BBX: variants seen among roughly 807,000 people sequenced by gnomAD.
BBX encodes the protein BBX high mobility group box domain containing.
In BBX, 30 loss-of-function variants were observed where a neutral mutation model predicts 100.2. That is an observed-to-expected ratio of 0.30 (90% CI 0.22 to 0.41). The LOEUF is 0.41. Among genes scored for constraint, BBX ranks in the 10% least tolerant of loss-of-function variants. The probability of loss-of-function intolerance (pLI) is 1.00; values close to 1 mark genes in which losing one functional copy is unlikely to be tolerated. For synonymous variants in BBX, 376 were observed against 388.1 expected, an observed-to-expected ratio of 0.97 and a Z score of 0.37; for missense variants, 1,023 against 1,129.8, an observed-to-expected ratio of 0.91 and a Z score of 1.35.
chr3:107,608,736 C>A (rs1254378200), intron 2 of BBX, among the ~76,000 whole-genome samples: 4 of 152,040 alleles, frequency 2.6e-5, no homozygotes, highest in African/African-American at 7.2e-5. Context: ...TTTTTGATTT[C>A]TTTTACCAAT....
intron 2 of BBX, among the ~76,000 whole-genome samples, chr3:107,611,741 T>G (rs534200293): frequency 6.6e-6 from 1 of 152,294 alleles, no homozygotes; most frequent in Non-Finnish European, 1.5e-5. Flanking sequence ...CTTGGTGTTA[T>G]GTAACTTTCT....
chr3:107,661,860 T>A, intron 3 of BBX: 2 of 985,348 alleles, frequency 2.0e-6, no homozygotes, highest in Non-Finnish European at 2.4e-6. Context: ...CCTCTAGCAG[T>A]ACCTGGTATC....
chr3:107,551,703 A>G lies in BBX; in HGVS notation c.-84+25305A>G, dbSNP rs868136374. On this transcript the variant is annotated intron_variant, in intron 2 of 17. Coordinates refer to ENST00000325805, the MANE Select transcript of BBX (RefSeq NM_001142568.3). Reference sequence around the variant, plus strand: ...ATCCTGTGCCAGACACTTTATTTCAACAGGCCTTAGTTTTCTCATTTATAA... The same window carrying G: ...ATCCTGTGCCAGACACTTTATTTCAGCAGGCCTTAGTTTTCTCATTTATAA... Among the ~76,000 whole-genome samples, 3 of 152,202 alleles carry G rather than the reference A, an allele frequency of 2.0e-5. No individual in the cohort carries two copies. The South Asian group carries it at 6.2e-4, about 31-fold the overall frequency.
intron 5 of BBX, 22 bp from the exon 6 acceptor site, chr3:107,728,743 C>G: frequency 6.3e-7 from 1 of 1,579,062 alleles, no homozygotes; most frequent in Non-Finnish European, 8.6e-7. Flanking sequence ...TTAAAATCTG[C>G]TGTCTGTCGT....
chr3:107,595,540 G>A (rs1381573599), intron 2 of BBX, among the ~76,000 whole-genome samples: 1 of 152,206 alleles, frequency 6.6e-6, no homozygotes, highest in Non-Finnish European at 1.5e-5. Flanking sequence ...ACTAATGAAA[G>A]TATAATAATA....
Position 107,643,700 on chromosome 3 carries a change from C to CCT in BBX, c.-83-2134_-83-2133dup, listed in dbSNP as rs1320857684. On this transcript the variant is annotated intron_variant, in intron 2 of 17. Coordinates refer to ENST00000325805, the MANE Select transcript of BBX (RefSeq NM_001142568.3). Reference sequence around the variant, plus strand: ...TGCTGGCCCACCTGCCTTTCTGATACCTCACATCACCACTCATTTCCGTCA... The same window carrying CCT: ...TGCTGGCCCACCTGCCTTTCTGATACCTCTCACATCACCACTCATTTCCGTCA... Among the ~76,000 whole-genome samples, 3 of 152,266 alleles carry CCT rather than the reference C, an allele frequency of 2.0e-5. No individual in the cohort carries two copies. In the East Asian group the frequency reaches 5.8e-4, roughly 29 times the overall value.
At chr3:107,704,456 C>T (rs2061273143) in intron 3 of BBX, among the ~76,000 whole-genome samples, 1 of 152,186 alleles carries the variant, frequency 6.6e-6, no homozygotes, top group Non-Finnish European at 1.5e-5. Context: ...AACAATACCA[C>T]AAACTGAGTA....
chr3:107,553,031 G>A (rs935546820), intron 2 of BBX, among the ~76,000 whole-genome samples: 7 of 152,218 alleles, frequency 4.6e-5, no homozygotes, highest in African/African-American at 1.7e-4. Flanking sequence ...TTTTATTTTG[G>A]TGTTAACAGT....
chr3:107,626,372 T>C (rs1445458637), intron 2 of BBX, among the ~76,000 whole-genome samples: 2 of 152,250 alleles, frequency 1.3e-5, no homozygotes, highest in Non-Finnish European at 2.9e-5. Context: ...CTGTATTAGT[T>C]ATCTGTTGAA....
intron 3 of BBX, among the ~76,000 whole-genome samples, chr3:107,666,189 TC>T (rs1170933655): frequency 2.6e-5 from 4 of 152,294 alleles, no homozygotes; most frequent in African/African-American, 9.6e-5. Flanking sequence ...GGAACCAACT[TC>T]CTTTTAATTC....
chr3:107,534,619 G>A (rs988911659), intron 2 of BBX, among the ~76,000 whole-genome samples: 9 of 152,052 alleles, frequency 5.9e-5, no homozygotes, highest in African/African-American at 2.2e-4. Flanking sequence ...ACCTTTGTTT[G>A]AGTTTAAAGA....
At chr3:107,631,143 T>C (rs759893915) in intron 2 of BBX, among the ~76,000 whole-genome samples, 3 of 152,324 alleles carry the variant, frequency 2.0e-5, no homozygotes, top group Middle Eastern at 3.4e-3. Context: ...AGCTTGCTGC[T>C]CATCCTAATC....
intron 9 of BBX, among the ~76,000 whole-genome samples, chr3:107,752,920 A>T (rs896476914): frequency 2.6e-5 from 4 of 152,244 alleles, no homozygotes; most frequent in Non-Finnish European, 4.4e-5. Flanking sequence ...GAAAGGATGT[A>T]TATATCTCTT....
intron 3 of BBX, among the ~76,000 whole-genome samples, chr3:107,682,017 A>AT (rs531488670): frequency 3.3e-5 from 5 of 152,168 alleles, no homozygotes; most frequent in Non-Finnish European, 5.9e-5. Flanking sequence ...AACGTGCTTC[A>AT]TAACAGTGCA....
chr3:107,570,093 C>T (rs575175350), intron 2 of BBX, among the ~76,000 whole-genome samples: 1 of 152,298 alleles, frequency 6.6e-6, no homozygotes, highest in South Asian at 2.1e-4. Flanking sequence ...AGATTTCCAG[C>T]ACTTGAAGCA....
chr3:107,698,345 G>A (rs950003605), intron 3 of BBX, among the ~76,000 whole-genome samples: 1 of 151,532 alleles, frequency 6.6e-6, no homozygotes, highest in African/African-American at 2.4e-5. Flanking sequence ...AAAAATGTAT[G>A]ATTGCTCTTA....
chr3:107,575,655 G>A (rs2051716987), intron 2 of BBX, among the ~76,000 whole-genome samples: 1 of 149,532 alleles, frequency 6.7e-6, no homozygotes, highest in Non-Finnish European at 1.5e-5. Context: ...TTCCATGGCT[G>A]AATTTTTTTT....
chr3:107,685,484 A>C (rs1264796994), intron 3 of BBX, among the ~76,000 whole-genome samples: 2 of 152,246 alleles, frequency 1.3e-5, no homozygotes, highest in African/African-American at 4.8e-5. Flanking sequence ...TGAAAATTAC[A>C]TGTAGAAGAT....
Position 107,808,088 on chromosome 3 carries a change from T to A in BBX, c.*2631T>A, listed in dbSNP as rs1234103835. The stretch of plus-strand genomic sequence containing the variant: ...CACAAATATTTCAGACCAATATTAG[T>A]GCTCTCCACCCCACCTTTTGTTATC... On this transcript the variant is annotated 3_prime_UTR_variant, in exon 18 of 18. Transcript: ENST00000325805. The A allele has an allele frequency of 6.6e-6, 1 of 152,192 alleles. No homozygotes were observed. The highest frequency in any genetic ancestry group is 1.5e-5 in the Non-Finnish European group (1 of 68,036). 9.4% of individuals were successfully genotyped at this position (152,192 alleles called of 1,614,324 possible).
Sources: allele counts gnomAD v4.1 joint callset (sites outside exome capture counted in the v4.1 genomes callset), GRCh38; gene constraint gnomAD v4.1.1; transcripts MANE v1.5; gene names NCBI Gene and HGNC (gene_info 2026-07-23, HGNC 2026-07-21).